Variants in ZFP2 observed in about 807,000 individuals in gnomAD.
ZFP2 encodes ZFP2 zinc finger protein, also known as zinc finger protein ZFP2.
ZFP2 carries 33 observed loss-of-function variants against 36.1 expected under a neutral mutation model. The observed-to-expected ratio is 0.92, with a 90% CI of 0.69 to 1.22. ZFP2 has a LOEUF of 1.22. Ranked by LOEUF, ZFP2 falls within the 50% of genes most tolerant of loss-of-function variation. The pLI is 0.00. For synonymous variants in ZFP2, 170 were observed against 178.0 expected (o/e 0.96, Z 0.36); for missense variants, 522 against 551.4 (o/e 0.95, Z 0.53).
At chr5:178,922,298 A>G (rs1758574310) in intron 4 of ZFP2, 1 of 968,304 alleles carries the variant, frequency 1.0e-6, no homozygotes, top group Admixed American at 1.7e-5. Flanking sequence ...CAAGGTAACC[A>G]GATTTTTGAA....
At chr5:178,897,471 G>A (rs1757967256) in intron 1 of ZFP2, among the ~76,000 whole-genome samples, 1 of 152,100 alleles carries the variant, frequency 6.6e-6, no homozygotes, top group African/African-American at 2.4e-5. Context: ...GACATCACTG[G>A]CAGAGAAGCT....
chr5:178,929,560 C>A (rs1035005032), intron 4 of ZFP2, among the ~76,000 whole-genome samples: 1 of 152,190 alleles, frequency 6.6e-6, no homozygotes, highest in African/African-American at 2.4e-5. Context: ...GCAAAAATGA[C>A]CTTTGCTGCA....
chr5:178,901,586 T>C (rs1758057986), intron 1 of ZFP2, among the ~76,000 whole-genome samples: 1 of 152,212 alleles, frequency 6.6e-6, no homozygotes, highest in Non-Finnish European at 1.5e-5. Flanking sequence ...TCCTTATGTG[T>C]TCATGTCTTC....
At chr5:178,919,579 T>G (rs2113101823) in intron 4 of ZFP2, among the ~76,000 whole-genome samples, 1 of 152,314 alleles carries the variant, frequency 6.6e-6, no homozygotes, top group South Asian at 2.1e-4. Context: ...GATGAGAAAT[T>G]CAGTTATTCA....
intron 4 of ZFP2, among the ~76,000 whole-genome samples, chr5:178,927,716 A>G (rs546865214): frequency 7.9e-6 from 1 of 126,070 alleles, no homozygotes; most frequent in South Asian, 2.6e-4. Flanking sequence ...TGTGTGTTTT[A>G]GTAGAGATGG....
chr5:178,919,920 T>C (rs7718717), intron 4 of ZFP2, among the ~76,000 whole-genome samples: 79,330 of 151,610 alleles, frequency 0.52, 20,755 homozygotes, highest in South Asian at 0.55. Flanking sequence ...GCCAAGGTTG[T>C]ACCACTGCAC....
At chr5:178,916,184 T>G (rs1758427748) in intron 3 of ZFP2, among the ~76,000 whole-genome samples, 1 of 151,698 alleles carries the variant, frequency 6.6e-6, no homozygotes, top group African/African-American at 2.4e-5. Context: ...AGAGTCAAGG[T>G]AGAGTATGAC....
intron 4 of ZFP2, among the ~76,000 whole-genome samples, chr5:178,926,523 C>CTT (rs34847670): frequency 3.4e-5 from 5 of 147,116 alleles, no homozygotes; most frequent in Admixed American, 6.8e-5. Context: ...CTGGTATTTT[C>CTT]TTTTTTTTTT....
rs2113109313 is a variant in ZFP2, at chr5:178,922,593, GC to G, written c.-78+5884del. ...GGAGCACGTCCTATTCCTTGACAGG[GC>G]AAGAGCATGGCAGGTATGGCCCATC... is the stretch of plus-strand genomic sequence containing the variant. On this transcript the variant is annotated intron_variant, in intron 4 of 4. Coordinates refer to ENST00000361362, the MANE Select transcript of ZFP2 (RefSeq NM_030613.4). 2 of 1,559,064 alleles carry G rather than the reference GC, an allele frequency of 1.3e-6. 1 individual carries two copies.
chr5:178,906,513 C>T (rs1186166311), intron 1 of ZFP2, among the ~76,000 whole-genome samples: 1 of 151,994 alleles, frequency 6.6e-6, no homozygotes, highest in Non-Finnish European at 1.5e-5. Context: ...TTTGTAGGTA[C>T]CATACAGCTG....
At chr5:178,922,405 A>G in intron 4 of ZFP2, 1 of 1,299,738 alleles carries the variant, frequency 7.7e-7, no homozygotes, top group African/African-American at 1.4e-5. Flanking sequence ...AAACATTTTT[A>G]TTTGCAGTTA....
In ZFP2 at chr5:178,932,744, A is replaced by G. The variant is rs772029363; in HGVS notation, c.*45A>G. 10 of 1,527,872 alleles carry G rather than the reference A, an allele frequency of 6.5e-6. No homozygotes were observed. The highest frequency in any genetic ancestry group is 8.8e-6 in the Non-Finnish European group (10 of 1,140,660). The allele number at this position is 1,527,872 out of a possible 1,614,324, so 94.6% of individuals were successfully genotyped here. A position where few individuals can be genotyped will look rare whatever the true frequency, so the allele number is the denominator to read the frequency against. ...TTACCTCATGATTAACTCTTCAGTA[A>G]TAATCATATGAGACATACAATGTAG... On this transcript the variant is annotated 3_prime_UTR_variant, in exon 5 of 5. Transcript: ENST00000361362.
intron 4 of ZFP2, among the ~76,000 whole-genome samples, chr5:178,928,367 C>T (rs190519594): frequency 3.3e-5 from 5 of 152,288 alleles, no homozygotes; most frequent in Non-Finnish European, 5.9e-5. Context: ...CAAGTCCCTT[C>T]TACCTATGAG....
At chr5:178,898,265 C>T (rs1282479536) in intron 1 of ZFP2, among the ~76,000 whole-genome samples, 5 of 152,134 alleles carry the variant, frequency 3.3e-5, no homozygotes, top group African/African-American at 1.2e-4. Flanking sequence ...GGATTACAGG[C>T]GTGAGCCACC....
At chr5:178,915,720 C>T (rs1758417507) in intron 3 of ZFP2, 1 of 151,886 alleles carries the variant, frequency 6.6e-6, no homozygotes, top group Non-Finnish European at 1.5e-5. Flanking sequence ...ATCCCAGCTA[C>T]TCGGGAGGCT....
chr5:178,915,912 A>C (rs1169673569), intron 3 of ZFP2: 2 of 152,294 alleles, frequency 1.3e-5, no homozygotes, highest in East Asian at 3.9e-4. Context: ...TAAGTACTTA[A>C]ATATTTGTTG....
At chr5:178,907,449 C>A (rs1758190458) in intron 1 of ZFP2, among the ~76,000 whole-genome samples, 1 of 151,418 alleles carries the variant, frequency 6.6e-6, no homozygotes, top group East Asian at 1.9e-4. Flanking sequence ...CCACATGAGC[C>A]TGACTTTAAC....
intron 1 of ZFP2, among the ~76,000 whole-genome samples, chr5:178,912,100 T>C (rs1429002581): frequency 1.3e-5 from 2 of 152,128 alleles, no homozygotes; most frequent in Non-Finnish European, 2.9e-5. Context: ...GCCACTGCAC[T>C]CCAGCCTCGG....
chr5:178,918,523 C>T (rs1031756468), intron 4 of ZFP2, among the ~76,000 whole-genome samples: 2 of 152,190 alleles, frequency 1.3e-5, no homozygotes, highest in Admixed American at 6.5e-5. Flanking sequence ...TTGTGCCAGC[C>T]GTGTGTACTA....
Sources: gnomAD v4.1 joint callset for allele counts (sites outside exome capture counted in the v4.1 genomes callset) on GRCh38, gnomAD v4.1.1 for gene constraint, MANE v1.5 for transcripts, NCBI Gene and HGNC (gene_info 2026-07-23, HGNC 2026-07-21) for gene names.